ETV1: variants seen among roughly 807,000 people sequenced by gnomAD.
ETV1 encodes the protein ETS variant transcription factor 1.
ETV1 carries 27 observed loss-of-function variants against 62.3 expected under a neutral mutation model. That is an observed-to-expected ratio of 0.43 (90% confidence interval 0.32 to 0.60). ETV1 has a LOEUF of 0.60. Among genes scored for constraint, ETV1 ranks in the 20% least tolerant of loss-of-function variants. The pLI, the probability that ETV1 is intolerant of heterozygous loss-of-function variation, is 0.06. For missense variants in ETV1, 605 were observed against 605.8 expected (o/e 1.00, Z 0.01); for synonymous variants, 222 against 199.6 (o/e 1.11, Z -0.94).
chr7:13,949,439 T>C (rs1158278925), intron 6 of ETV1, among the ~76,000 whole-genome samples: 1 of 152,170 alleles, frequency 6.6e-6, no homozygotes, highest in Non-Finnish European at 1.5e-5. Flanking sequence ...AAGACAATGG[T>C]GTCACATGCT....
chr7:13,990,498 C>T (rs77572271), upstream of ETV1: 20,918 of 152,176 alleles, frequency 0.14, 1,808 homozygotes, highest in Middle Eastern at 0.25. Context: ...TCCTAGAACC[C>T]GCACGTTTCC....
At chr7:13,955,540 C>A (rs556084171) in intron 6 of ETV1, among the ~76,000 whole-genome samples, 1 of 152,228 alleles carries the variant, frequency 6.6e-6, no homozygotes, top group South Asian at 2.1e-4. Context: ...AAGAAGCAAA[C>A]AAGCCAAATG....
chr7:13,897,151 T>TG (rs1781932675), intron 13 of ETV1, among the ~76,000 whole-genome samples: 1 of 79,862 alleles, frequency 1.3e-5, no homozygotes, highest in African/African-American at 4.8e-5. Flanking sequence ...AAACCCGGGG[T>TG]GGGGGGATGG....
chr7:13,964,807 C>G (rs1369075632), intron 6 of ETV1, among the ~76,000 whole-genome samples: 1 of 152,012 alleles, frequency 6.6e-6, no homozygotes, highest in Non-Finnish European at 1.5e-5. Context: ...CAGGTTCATA[C>G]TTTTTCTTAT....
At chr7:13,908,758 A>C (rs985637378) in intron 11 of ETV1, among the ~76,000 whole-genome samples, 5 of 152,100 alleles carry the variant, frequency 3.3e-5, no homozygotes, top group African/African-American at 1.2e-4. Context: ...GAGCATGTAC[A>C]TTGCTGTTTA....
At chr7:13,955,760 A>G (rs1789361865) in intron 6 of ETV1, among the ~76,000 whole-genome samples, 1 of 152,198 alleles carries the variant, frequency 6.6e-6, no homozygotes, top group South Asian at 2.1e-4. Context: ...TCCCAAGAAA[A>G]CTATTATTGG....
chr7:13,921,349 G>A (rs1291259044), intron 9 of ETV1, among the ~76,000 whole-genome samples: 1 of 152,138 alleles, frequency 6.6e-6, no homozygotes, highest in Non-Finnish European at 1.5e-5. Context: ...GAGTTTTTAT[G>A]GAGAGGAAGC....
chr7:13,902,912 T>G (rs768323963), intron 12 of ETV1, among the ~76,000 whole-genome samples: 1 of 152,200 alleles, frequency 6.6e-6, no homozygotes, highest in Non-Finnish European at 1.5e-5. Context: ...AACAATAAAA[T>G]GTAGTCTTAG....
chr7:13,903,228 T>TA (rs1210859475), intron 12 of ETV1, among the ~76,000 whole-genome samples: 1 of 152,094 alleles, frequency 6.6e-6, no homozygotes, highest in Non-Finnish European at 1.5e-5. Context: ...GTGAAGAGAG[T>TA]AAAAAGATGA....
At chr7:13,905,391 G>A (rs146945516) in intron 12 of ETV1, among the ~76,000 whole-genome samples, 3 of 152,214 alleles carry the variant, frequency 2.0e-5, no homozygotes, top group Admixed American at 6.5e-5. Context: ...ATCAGTTAGA[G>A]GTATGGTAGC....
chr7:13,949,574 T>C (rs1001220899), intron 6 of ETV1, among the ~76,000 whole-genome samples: 2 of 152,102 alleles, frequency 1.3e-5, no homozygotes, highest in Non-Finnish European at 2.9e-5. Context: ...TGTGTACATA[T>C]ACCACTCACA....
At chr7:13,924,438 C>T (rs896130460) in intron 9 of ETV1, among the ~76,000 whole-genome samples, 8 of 152,168 alleles carry the variant, frequency 5.3e-5, no homozygotes, top group African/African-American at 1.9e-4. Flanking sequence ...TAAAAGAAAG[C>T]AGAATGCATC....
chr7:13,951,032 T>G (rs1184370368), intron 6 of ETV1, among the ~76,000 whole-genome samples: 1 of 151,882 alleles, frequency 6.6e-6, no homozygotes. Context: ...GGCCAGGACC[T>G]GTGCTTTCCT....
intron 9 of ETV1, among the ~76,000 whole-genome samples, chr7:13,924,650 T>C (rs1379035280): frequency 6.6e-6 from 1 of 152,228 alleles, no homozygotes; most frequent in Non-Finnish European, 1.5e-5. Context: ...TATTTCCCTT[T>C]AATCTGAACA....
At chr7:13,970,263 A>AACACACACACACACACACACACACAC (rs71033966) in intron 6 of ETV1, among the ~76,000 whole-genome samples, 1 of 126,606 alleles carries the variant, frequency 7.9e-6, no homozygotes, top group African/African-American at 3.2e-5. Flanking sequence ...CCCATCTCAA[A>AACACACACACACACACACACACACAC]ACACACACAC....
At chr7:13,967,389 A>G (rs1416346000) in intron 6 of ETV1, among the ~76,000 whole-genome samples, 1 of 152,168 alleles carries the variant, frequency 6.6e-6, no homozygotes, top group Non-Finnish European at 1.5e-5. Context: ...CAAAAGATTC[A>G]AAAGATTACA....
At chr7:13,914,737 A>G (rs988096095) in intron 9 of ETV1, among the ~76,000 whole-genome samples, 6 of 152,138 alleles carry the variant, frequency 3.9e-5, no homozygotes, top group Non-Finnish European at 8.8e-5. Context: ...CACAAAGTGC[A>G]GTATTGAATT....
chr7:13,957,172 G>A (rs985086560), intron 6 of ETV1, among the ~76,000 whole-genome samples: 3 of 151,868 alleles, frequency 2.0e-5, no homozygotes, highest in South Asian at 2.1e-4. Context: ...TCCAAGTTCC[G>A]CCTCCCAGGT....
At chr7:13,897,112 T>G (rs1291989369) in intron 13 of ETV1, among the ~76,000 whole-genome samples, 2 of 151,444 alleles carry the variant, frequency 1.3e-5, no homozygotes, top group South Asian at 4.2e-4. Context: ...ATACGCCTCT[T>G]GTTAATAGAC....
Sources: gnomAD v4.1 joint callset for allele counts (sites outside exome capture counted in the v4.1 genomes callset) on GRCh38, gnomAD v4.1.1 for gene constraint, MANE v1.5 for transcripts, NCBI Gene and HGNC (gene_info 2026-07-23, HGNC 2026-07-21) for gene names.